Variants in SETBP1 observed in about 807,000 individuals in gnomAD.
SETBP1 encodes the protein SET binding protein 1, also known as SET-binding protein.
In SETBP1, 9 loss-of-function variants were observed where a neutral mutation model predicts 101.0. The observed-to-expected ratio is 0.09, with a 90% CI of 0.05 to 0.16. SETBP1 has a LOEUF of 0.16. Among genes scored for constraint, SETBP1 ranks in the 10% least tolerant of loss-of-function variants. SETBP1 has a pLI of 1.00. For missense variants in SETBP1, 1,858 were observed against 2,033.8 expected (o/e 0.91, Z 1.66); for synonymous variants, 818 against 788.5 (o/e 1.04, Z -0.63).
At chr18:44,913,613 C>T (rs1429655386) in intron 3 of SETBP1, among the ~76,000 whole-genome samples, 3 of 152,208 alleles carry the variant, frequency 2.0e-5, no homozygotes, top group African/African-American at 7.2e-5. Context: ...ACAGTAGTAA[C>T]AAAAGTGGTT....
At chr18:44,868,263 T>C (rs1384830853) in intron 2 of SETBP1, among the ~76,000 whole-genome samples, 1 of 152,090 alleles carries the variant, frequency 6.6e-6, no homozygotes, top group Admixed American at 6.5e-5. Flanking sequence ...AATGATAAAA[T>C]CCTAATAGTG....
At chr18:44,750,905 C>A (rs1193101745) in intron 2 of SETBP1, among the ~76,000 whole-genome samples, 1 of 152,048 alleles carries the variant, frequency 6.6e-6, no homozygotes, top group African/African-American at 2.4e-5. Flanking sequence ...CACTGTGGGC[C>A]AGTTGAGTAG....
chr18:44,715,824 C>G (rs1051045677), intron 2 of SETBP1, among the ~76,000 whole-genome samples: 6 of 152,202 alleles, frequency 3.9e-5, no homozygotes, highest in African/African-American at 1.2e-4. Flanking sequence ...AATAAAGCCC[C>G]CAGACGTGGC....
At chr18:44,946,261 T>C (rs1316907476) in intron 3 of SETBP1, among the ~76,000 whole-genome samples, 1 of 152,214 alleles carries the variant, frequency 6.6e-6, no homozygotes, top group Non-Finnish European at 1.5e-5. Flanking sequence ...CAGGGCAGAC[T>C]GCAGCTGAAA....
chr18:44,965,182 A>G (rs993088487), intron 4 of SETBP1, among the ~76,000 whole-genome samples: 2 of 152,100 alleles, frequency 1.3e-5, no homozygotes, highest in African/African-American at 4.8e-5. Flanking sequence ...TTGAAATTCC[A>G]ACTTCACCTC....
chr18:45,063,287 G>T lies in SETBP1; in HGVS notation c.4380G>T (p.Gln1460His), dbSNP rs1395617459. 1 of 1,609,416 alleles carries T rather than the reference G, an allele frequency of 6.2e-7. No individual in the cohort carries two copies. Among genetic ancestry groups the T allele is most frequent in the Non-Finnish European group, 8.5e-7 (1 of 1,177,754 alleles). The change falls in exon 6 of 6, where the codon CAG becomes CAT. Residue 1460 changes from glutamine (Q) to histidine (H), a missense_variant. Gln to His is a conservative substitution (Grantham distance 24). Coordinates refer to ENST00000649279, the MANE Select transcript of SETBP1 (RefSeq NM_015559.3). ...AGAGGCGCGGGCGTCCCAGGAAGCA[G>T]CCCACCCAGTTCGATGAGGACTCCA... ...VKKRRGRPRK[Q>H]PTQFDEDSRD... is the part of the protein sequence containing the mutation.
At chr18:44,861,820 A>G (rs547330041) in intron 2 of SETBP1, among the ~76,000 whole-genome samples, 82 of 152,364 alleles carry the variant, frequency 5.4e-4, no homozygotes, top group South Asian at 4.1e-4. Flanking sequence ...GATGCCCTAC[A>G]TAAAATCCAG....
chr18:45,066,679 T>TC lies in SETBP1; in HGVS notation c.*2981_*2982insC, dbSNP rs1280777974. On this transcript the variant is annotated 3_prime_UTR_variant, in exon 6 of 6. Transcript: ENST00000649279. ...CCTTCTGGGGGCTGCATTTTTTTTT[T>TC]TTTTTTGAGAAGAGGTCTTTTGGGA... The TC allele has an allele frequency of 6.6e-6, 1 of 151,854 alleles. No individual in the cohort carries two copies. 9.4% of individuals were successfully genotyped at this position (151,854 alleles called of 1,614,324 possible).
intron 4 of SETBP1, among the ~76,000 whole-genome samples, chr18:44,976,561 G>T (rs1156971645): frequency 6.6e-6 from 1 of 152,180 alleles, no homozygotes; most frequent in Admixed American, 6.5e-5. Context: ...GCCTTAGAAT[G>T]GTGACCCAGG....
intron 2 of SETBP1, among the ~76,000 whole-genome samples, chr18:44,739,931 A>C (rs893084664): frequency 1.3e-5 from 2 of 152,172 alleles, no homozygotes; most frequent in African/African-American, 4.8e-5. Flanking sequence ...GAAAACCTGA[A>C]GAATAGATTT....
chr18:44,918,291 G>C (rs1028629018), intron 3 of SETBP1, among the ~76,000 whole-genome samples: 4 of 152,198 alleles, frequency 2.6e-5, no homozygotes, highest in African/African-American at 7.2e-5. Flanking sequence ...GGTCACTGGG[G>C]TGGAGCCACC....
chr18:44,779,933 C>T (rs936546429), intron 2 of SETBP1, among the ~76,000 whole-genome samples: 7 of 151,466 alleles, frequency 4.6e-5, no homozygotes, highest in Admixed American at 1.3e-4. Context: ...CACACACGCA[C>T]GCACACACAC....
chr18:44,933,575 G>A (rs550864360), intron 3 of SETBP1, among the ~76,000 whole-genome samples: 16 of 152,302 alleles, frequency 1.1e-4, no homozygotes, highest in South Asian at 1.0e-3. Context: ...GCAGGCAGGC[G>A]TCCTTGAGCT....
chr18:44,730,158 C>T (rs911927466), intron 2 of SETBP1, among the ~76,000 whole-genome samples: 10 of 152,180 alleles, frequency 6.6e-5, no homozygotes, highest in Non-Finnish European at 1.5e-4. Context: ...ATATTGAATA[C>T]GACTTGCTTT....
intron 2 of SETBP1, among the ~76,000 whole-genome samples, chr18:44,752,606 T>C (rs2070408955): frequency 6.6e-6 from 1 of 152,238 alleles, no homozygotes; most frequent in African/African-American, 2.4e-5. Flanking sequence ...ACAAATTTTA[T>C]ATATTTTATA....
intron 4 of SETBP1, among the ~76,000 whole-genome samples, chr18:45,010,921 C>G (rs779541605): frequency 6.6e-6 from 1 of 152,072 alleles, no homozygotes; most frequent in Non-Finnish European, 1.5e-5. Flanking sequence ...AAGCAAAGTT[C>G]TAATTTTAAA....
chr18:44,904,563 T>C (rs1447459305), intron 3 of SETBP1, among the ~76,000 whole-genome samples: 9 of 152,232 alleles, frequency 5.9e-5, no homozygotes, highest in African/African-American at 2.2e-4. Flanking sequence ...CAAAATCCTG[T>C]GATTGTATTG....
chr18:44,950,608 C>G lies in SETBP1; in HGVS notation c.1268C>G (p.Ser423Cys), dbSNP rs912714177. The change falls in exon 4 of 6, where the codon TCC (serine) becomes TGC (cysteine). Residue 423 changes from serine to cysteine, a missense_variant. Physicochemically the swap from Ser to Cys is moderately radical, Grantham distance 112. Coordinates refer to ENST00000649279, the MANE Select transcript of SETBP1 (RefSeq NM_015559.3). ...PTNHKRKKRQ[S>C]IKAVVEKIMP... is the part of the protein sequence containing the mutation. Reference sequence around the variant, plus strand: ...AACCATAAGAGGAAAAAAAGACAGTCCATTAAAGCGGTGGTGGAAAAGATC... The same window carrying G: ...AACCATAAGAGGAAAAAAAGACAGTGCATTAAAGCGGTGGTGGAAAAGATC... 4 of 1,613,952 alleles carry G rather than the reference C, an allele frequency of 2.5e-6. No homozygotes were observed. The South Asian group carries it at 4.4e-5, about 18-fold the overall frequency.
chr18:44,901,511 T>C (rs1462125434), intron 3 of SETBP1, among the ~76,000 whole-genome samples: 7 of 152,164 alleles, frequency 4.6e-5, no homozygotes, highest in African/African-American at 1.7e-4. Context: ...TGTGGCCATG[T>C]GGGAGGCATT....
Sources: gnomAD v4.1 joint callset for allele counts (sites outside exome capture counted in the v4.1 genomes callset) on GRCh38, gnomAD v4.1.1 for gene constraint, MANE v1.5 for transcripts, NCBI Gene and HGNC (gene_info 2026-07-23, HGNC 2026-07-21) for gene names.